Variants in PTPRM observed in about 807,000 individuals in gnomAD.
PTPRM encodes the protein protein tyrosine phosphatase receptor type M, also known as receptor-type tyrosine-protein phosphatase mu.
Under a neutral mutation model 186.7 loss-of-function variants are expected in PTPRM, and 47 were observed. The observed-to-expected ratio is 0.25, with a 90% confidence interval of 0.20 to 0.32. The LOEUF (loss-of-function observed/expected upper bound fraction) is 0.32, where lower values mean the gene tolerates loss of function less well. Among genes scored for constraint, PTPRM ranks in the 10% least tolerant of loss-of-function variants. The pLI is 1.00. For missense variants in PTPRM, 1,494 were observed against 1,865.0 expected, an observed-to-expected ratio of 0.80 and a Z score of 3.66; for synonymous variants, 668 against 674.9, an observed-to-expected ratio of 0.99 and a Z score of 0.16.
chr18:7,583,222 A>G (rs1401217321), intron 1 of PTPRM, among the ~76,000 whole-genome samples: 1 of 152,338 alleles, frequency 6.6e-6, no homozygotes, highest in East Asian at 1.9e-4. Context: ...TTTCCTAGAA[A>G]TAAGGAAAAA....
chr18:7,730,915 G>T (rs1388009469), intron 1 of PTPRM, among the ~76,000 whole-genome samples: 5 of 152,168 alleles, frequency 3.3e-5, no homozygotes, highest in African/African-American at 1.2e-4. Context: ...TTGATCTGAT[G>T]GAGATGGATT....
At position 8,117,432 on chromosome 18, in the gene PTPRM, G is replaced by T. The variant is rs144929642; in HGVS notation, c.2167+2605G>T. The stretch of plus-strand genomic sequence containing the variant: ...TCTTTATAGAGAAAGTATGGAGGTG[G>T]ATTTGTTTTCACTAAGAGCTAGCTT... On this transcript the variant is annotated intron_variant, in intron 13 of 32. Coordinates refer to ENST00000580170, the MANE Select transcript of PTPRM (RefSeq NM_001105244.2). Among the ~76,000 whole-genome samples, 3 of 152,272 alleles carry T rather than the reference G, an allele frequency of 2.0e-5. No homozygotes were observed. In the East Asian group the frequency reaches 5.8e-4, roughly 29 times the overall value.
At chr18:7,701,702 AC>A (rs2039970904) in intron 1 of PTPRM, among the ~76,000 whole-genome samples, 1 of 152,106 alleles carries the variant, frequency 6.6e-6, no homozygotes, top group Admixed American at 6.6e-5. Flanking sequence ...TGGACTTCCT[AC>A]AGACTATTTT....
chr18:8,344,448 G>GTGTGTGTATGTATATATATATATATA (rs1360655194), intron 23 of PTPRM, among the ~76,000 whole-genome samples: 1 of 33,420 alleles, frequency 3.0e-5, no homozygotes, highest in African/African-American at 7.5e-5. Flanking sequence ...GTGTGTGTGT[G>GTGTGTGTATGTATATATATATATATA]TATATATATA....
chr18:8,008,198 A>G (rs1253646331), intron 7 of PTPRM, among the ~76,000 whole-genome samples: 3 of 152,150 alleles, frequency 2.0e-5, no homozygotes, highest in Non-Finnish European at 4.4e-5. Context: ...TACCAGCCCC[A>G]TATCACATCC....
At chr18:7,858,431 G>T (rs1424453256) in intron 2 of PTPRM, among the ~76,000 whole-genome samples, 1 of 152,092 alleles carries the variant, frequency 6.6e-6, no homozygotes, top group African/African-American at 2.4e-5. Context: ...ATCATGGCTT[G>T]CCTTCAGTCC....
Position 7,567,809 on chromosome 18 carries a change from A to C in PTPRM, c.-10A>C, listed in dbSNP as rs748187872. 12 of 1,541,810 alleles carry C rather than the reference A, an allele frequency of 7.8e-6. No homozygotes were observed. The highest frequency in any genetic ancestry group is 4.3e-5 in the Admixed American group (2 of 46,732). ...GCCGCCGGGGAGCGGCCCGGCCCGC[A>C]CTCAGCACCATGAGGGGACTTGGGA... On this transcript the variant is annotated 5_prime_UTR_variant, in exon 1 of 33. Coordinates refer to ENST00000580170, the MANE Select transcript of PTPRM (RefSeq NM_001105244.2). The surrounding 1 kb of genome is among the most constrained non-coding windows in gnomAD (Gnocchi z 4.3).
chr18:7,897,260 C>A (rs1351177601), intron 3 of PTPRM, among the ~76,000 whole-genome samples: 1 of 152,196 alleles, frequency 6.6e-6, no homozygotes, highest in African/African-American at 2.4e-5. Context: ...CTGAGTATTT[C>A]TTGAGTCTAG....
chr18:7,830,362 A>G (rs2045697158), intron 2 of PTPRM, among the ~76,000 whole-genome samples: 2 of 152,170 alleles, frequency 1.3e-5, no homozygotes, highest in Non-Finnish European at 2.9e-5. Context: ...CCCTGTGTAC[A>G]CATTTACAGA....
intron 13 of PTPRM, among the ~76,000 whole-genome samples, chr18:8,129,167 C>T (rs555959149): frequency 1.4e-4 from 22 of 152,180 alleles, no homozygotes; most frequent in Admixed American, 1.4e-3. Context: ...AAGATTTTTG[C>T]ATGAAAGATT....
At chr18:8,263,103 T>A (rs1221438137) in intron 19 of PTPRM, among the ~76,000 whole-genome samples, 1 of 152,090 alleles carries the variant, frequency 6.6e-6, no homozygotes, top group Non-Finnish European at 1.5e-5. Context: ...TGTTTAAAAA[T>A]TTGAGGATAG....
At chr18:8,334,285 C>T (rs960660663) in intron 22 of PTPRM, among the ~76,000 whole-genome samples, 17 of 152,218 alleles carry the variant, frequency 1.1e-4, no homozygotes, top group Non-Finnish European at 2.2e-4. Context: ...TTGGTTTTAA[C>T]ACTGTCTTCC....
intron 13 of PTPRM, among the ~76,000 whole-genome samples, chr18:8,139,053 T>G (rs896429867): frequency 6.6e-6 from 1 of 151,974 alleles, no homozygotes; most frequent in African/African-American, 2.4e-5. Flanking sequence ...AACCTCAAAT[T>G]TATCTTCTAC....
intron 7 of PTPRM, among the ~76,000 whole-genome samples, chr18:7,991,142 T>C (rs1049307890): frequency 6.6e-6 from 1 of 152,200 alleles, no homozygotes; most frequent in Admixed American, 6.5e-5. Context: ...AAGGATTTCA[T>C]GAGAGCATTA....
At chr18:8,164,760 G>A (rs763260686) in intron 14 of PTPRM, among the ~76,000 whole-genome samples, 5 of 152,186 alleles carry the variant, frequency 3.3e-5, no homozygotes, top group Admixed American at 6.5e-5. Flanking sequence ...AAAAATTAGC[G>A]AGACAGACAG....
In PTPRM at chr18:7,567,979, T is replaced by A; in HGVS notation, c.73+88T>A. 1 of 1,300,010 alleles carries A rather than the reference T, an allele frequency of 7.7e-7. No individual in the cohort carries two copies. The highest frequency in any genetic ancestry group is 1.0e-6 in the Non-Finnish European group (1 of 995,108). 80.5% of individuals were successfully genotyped at this position (1,300,010 alleles called of 1,614,324 possible). A position where few individuals can be genotyped will look rare whatever the true frequency, so the allele number is the denominator to read the frequency against. The stretch of plus-strand genomic sequence containing the variant: ...CGACAGCTCCCTGGTGGTAGAGCCC[T>A]AAGGCTGGCGTCGGGGCCGGGCGGG... On this transcript the variant is annotated intron_variant, in intron 1 of 32. Transcript: ENST00000580170. The surrounding 1 kb of genome is among the most constrained non-coding windows in gnomAD (Gnocchi z 4.3).
At chr18:7,628,339 T>G (rs535415173) in intron 1 of PTPRM, among the ~76,000 whole-genome samples, 1 of 152,372 alleles carries the variant, frequency 6.6e-6, no homozygotes, top group African/African-American at 2.4e-5. Context: ...TGATTCTACT[T>G]AAAATTAATG....
In PTPRM at chr18:7,992,003, T is replaced by C. The variant is rs145284758; in HGVS notation, c.1132+36589T>C. ...CCATCGACCAGCCTCCAGAAAAAGA[T>C]ACATGATAAGGTAAAGAAAGTTAGT... On this transcript the variant is annotated intron_variant, in intron 7 of 32. Transcript: ENST00000580170. Among the ~76,000 whole-genome samples, 449 of 152,228 alleles carry C rather than the reference T, an allele frequency of 2.9e-3. 1 individual carries two copies. The highest frequency in any genetic ancestry group is 0.017 in the Middle Eastern group (5 of 294).
chr18:7,996,455 A>C (rs1481672823), intron 7 of PTPRM, among the ~76,000 whole-genome samples: 2 of 152,180 alleles, frequency 1.3e-5, no homozygotes, highest in Non-Finnish European at 1.5e-5. Context: ...GAATAATTTG[A>C]AGCTTTTCCT....
Sources: gnomAD v4.1 joint callset for allele counts (sites outside exome capture counted in the v4.1 genomes callset) on GRCh38, gnomAD v4.1.1 for gene constraint, Gnocchi (gnomAD v3.1) non-coding constraint, MANE v1.5 for transcripts, NCBI Gene and HGNC (gene_info 2026-07-23, HGNC 2026-07-21) for gene names.